The following NLRP14 variants were observed in gnomAD, a reference collection of about 807,000 sequenced individuals.
The protein encoded by NLRP14 is NACHT, LRR and PYD domains-containing protein 14.
In NLRP14, 105 loss-of-function variants were observed where a neutral mutation model predicts 94.7. The observed-to-expected ratio is 1.11, with a 90% CI of 0.95 to 1.30. NLRP14 has a LOEUF of 1.30. Among genes scored for constraint, NLRP14 ranks in the 50% most tolerant of loss-of-function variants. The pLI is 0.00. For missense variants in NLRP14, 1,362 were observed against 1,254.1 expected (o/e 1.09, Z -1.30); for synonymous variants, 508 against 459.9 (o/e 1.10, Z -1.34).
the NLRP14 span, among the ~76,000 whole-genome samples, chr11:7,077,216 C>G: frequency 6.6e-6 from 1 of 152,372 alleles, no homozygotes; most frequent in East Asian, 1.9e-4. Context: ...GCCCTCGGAA[C>G]TCGGCGTGGG....
chr11:7,046,311 C>A (rs1852348536), intron 4 of NLRP14, among the ~76,000 whole-genome samples: 1 of 152,146 alleles, frequency 6.6e-6, no homozygotes, highest in African/African-American at 2.4e-5. Flanking sequence ...ACCCACTAAT[C>A]CTAATCATAT....
At chr11:7,080,613 T>A in the NLRP14 span, among the ~76,000 whole-genome samples, 149 of 152,256 alleles carry the variant, frequency 9.8e-4, no homozygotes, top group Middle Eastern at 6.8e-3. Context: ...AGAGCTATGG[T>A]CACACAGGTT....
downstream of NLRP14, among the ~76,000 whole-genome samples, chr11:7,075,804 C>T (rs1457277910): frequency 6.6e-6 from 1 of 152,182 alleles, no homozygotes; most frequent in African/African-American, 2.4e-5. Context: ...ATGCAGACCT[C>T]CTTGATGGCA....
intron 10 of NLRP14, among the ~76,000 whole-genome samples, chr11:7,063,932 C>T (rs554867636): frequency 5.7e-4 from 86 of 152,098 alleles, no homozygotes; most frequent in African/African-American, 2.1e-3. Flanking sequence ...AATAAATAAA[C>T]AAAGATGGGC....
chr11:7,028,055 A>G (rs1001737947), intron 1 of NLRP14, among the ~76,000 whole-genome samples: 4 of 151,990 alleles, frequency 2.6e-5, no homozygotes, highest in Admixed American at 1.3e-4. Context: ...TTCTATTCTC[A>G]CTCCCGGAAT....
chr11:7,068,306 G>C (rs997454893), intron 10 of NLRP14, among the ~76,000 whole-genome samples: 14 of 152,024 alleles, frequency 9.2e-5, no homozygotes, highest in African/African-American at 3.4e-4. Flanking sequence ...TGTATGCTTA[G>C]ACATACATAT....
chr11:7,050,743 T>C (rs182478943), intron 6 of NLRP14, among the ~76,000 whole-genome samples: 1 of 152,356 alleles, frequency 6.6e-6, no homozygotes, highest in Admixed American at 6.5e-5. Context: ...ACTTACAGCA[T>C]ATCTGGAAAG....
intron 1 of NLRP14, among the ~76,000 whole-genome samples, chr11:7,030,997 G>A (rs1852085116): frequency 1.3e-5 from 2 of 152,200 alleles, no homozygotes; most frequent in Non-Finnish European, 2.9e-5. Flanking sequence ...CAGCCAATGG[G>A]AAGAGAGATT....
intron 3 of NLRP14, among the ~76,000 whole-genome samples, chr11:7,041,707 T>C (rs10160478): frequency 0.7 from 106,716 of 151,592 alleles, 37,698 homozygotes; most frequent in East Asian, 0.86. Context: ...ACATGTACTG[T>C]GAATGAAAAA....
the NLRP14 span, chr11:7,089,330 C>T: frequency 1.9e-6 from 3 of 1,607,658 alleles, no homozygotes; most frequent in African/African-American, 1.3e-5. Context: ...GAGACATGAA[C>T]GGCAAGTCCC....
At position 7,042,908 on chromosome 11, in the gene NLRP14, G is replaced by A; in HGVS notation, c.882G>A (p.Arg294=). The A allele has an allele frequency of 6.2e-7, 1 of 1,614,136 alleles. No homozygotes were observed. Among genetic ancestry groups the A allele is most frequent in the Non-Finnish European group, 8.5e-7 (1 of 1,180,028 alleles). ...CCTTCCTCATGAGTAGTTTGCTGAG[G>A]AAAGTGATGCTCCCTGAGGCATCCT... ...PVSFLMSSLL[R]KVMLPEASLL... Residue 294 remains arginine, a synonymous_variant, in exon 4 of 12, where the codon AGG becomes AGA. Coordinates refer to ENST00000299481, the MANE Select transcript of NLRP14 (RefSeq NM_176822.4).
chr11:7,065,649 T>C (rs1247707906), intron 10 of NLRP14, among the ~76,000 whole-genome samples: 1 of 152,108 alleles, frequency 6.6e-6, no homozygotes, highest in Non-Finnish European at 1.5e-5. Flanking sequence ...ACTTCAGTGG[T>C]TCACCAATTT....
intron 3 of NLRP14, among the ~76,000 whole-genome samples, chr11:7,040,794 C>T (rs61879044): frequency 0.11 from 16,250 of 152,124 alleles, 871 homozygotes; most frequent in Admixed American, 0.16. Context: ...CTTAAATGAC[C>T]TTGAATATAA....
intron 6 of NLRP14, among the ~76,000 whole-genome samples, chr11:7,050,157 G>A (rs1491828): frequency 0.33 from 49,971 of 152,132 alleles, 8,577 homozygotes; most frequent in Middle Eastern, 0.38. Context: ...CAATAGATTC[G>A]TTGTATCTTT....
At chr11:7,054,098 A>C (rs1852483099) in intron 6 of NLRP14, among the ~76,000 whole-genome samples, 2 of 152,094 alleles carry the variant, frequency 1.3e-5, no homozygotes, top group Admixed American at 1.3e-4. Flanking sequence ...TAATATAATG[A>C]TCTCCAGTTC....
the NLRP14 span, among the ~76,000 whole-genome samples, chr11:7,078,672 C>A: frequency 1.2e-3 from 188 of 151,882 alleles, no homozygotes; most frequent in African/African-American, 4.2e-3. Flanking sequence ...CTTGCAATCC[C>A]AGCTACTTGG....
intron 8 of NLRP14, among the ~76,000 whole-genome samples, chr11:7,058,759 C>T (rs1050946834): frequency 6.6e-6 from 1 of 151,898 alleles, no homozygotes; most frequent in Non-Finnish European, 1.5e-5. Flanking sequence ...TAATATCTCA[C>T]AAGAAAATGA....
Position 7,042,578 on chromosome 11 carries a change from T to C in NLRP14, c.552T>C (p.Ala184=). ...AQPQIVVLQG[A]AGVGKTTLVR... Reference sequence around the variant, plus strand: ...CACAGATCGTGGTGCTTCAGGGAGCTGCTGGAGTTGGGAAAACAACCTTGG... The same window carrying C: ...CACAGATCGTGGTGCTTCAGGGAGCCGCTGGAGTTGGGAAAACAACCTTGG... Residue 184 remains alanine (A), a synonymous_variant, in exon 4 of 12, where the codon GCT becomes GCC. Coordinates refer to ENST00000299481, the MANE Select transcript of NLRP14 (RefSeq NM_176822.4). 1 of 1,614,214 alleles carries C rather than the reference T, an allele frequency of 6.2e-7. No individual in the cohort carries two copies. The highest frequency in any genetic ancestry group is 8.5e-7 in the Non-Finnish European group (1 of 1,180,016).
chr11:7,060,112 T>A (rs770984922), intron 9 of NLRP14, 48 bp downstream of exon 9: 3 of 1,485,140 alleles, frequency 2.0e-6, no homozygotes, highest in African/African-American at 2.8e-5. Flanking sequence ...CAACAGAGTG[T>A]CTGGGGAGAT....
Sources: gnomAD v4.1 joint callset for allele counts (sites outside exome capture counted in the v4.1 genomes callset) on GRCh38, gnomAD v4.1.1 for gene constraint, MANE v1.5 for transcripts, NCBI Gene and HGNC (gene_info 2026-07-23, HGNC 2026-07-21) for gene names.